The following PAQR5 variants were observed in gnomAD, a reference collection of about 807,000 sequenced individuals.
PAQR5 encodes membrane progestin receptor gamma.
PAQR5 carries 20 observed loss-of-function variants against 34.5 expected under a neutral mutation model. The ratio of observed to expected loss-of-function variants is 0.58; its 90% CI spans 0.41 to 0.84. The LOEUF (loss-of-function observed/expected upper bound fraction) is 0.84, where lower values mean the gene tolerates loss of function less well. Ranked by LOEUF, PAQR5 falls within the 40% of genes least tolerant of loss-of-function variation. The pLI is 0.00. For synonymous variants in PAQR5, 131 were observed against 155.6 expected (o/e 0.84, Z 1.18); for missense variants, 378 against 412.7 (o/e 0.92, Z 0.73).
chr15:69,382,698 A>ATG (rs2055928660), intron 4 of PAQR5, among the ~76,000 whole-genome samples: 20 of 83,944 alleles, frequency 2.4e-4, no homozygotes, highest in East Asian at 2.3e-3. Flanking sequence ...ATATATATAT[A>ATG]TATATATGTA....
rs139390673 is a variant in PAQR5, at chr15:69,306,713, T to C, written c.-277+7657T>C. ...CCACCGCCCCCCGCCCATTTAACCA[T>C]TTTTTAAGTCTGCAACTCATTGTCA... On this transcript the variant is annotated intron_variant, in intron 1 of 8. Coordinates refer to ENST00000395407, the MANE Select transcript of PAQR5 (RefSeq NM_017705.4). Among the ~76,000 whole-genome samples the C allele has an allele frequency of 4.2e-3, 640 of 152,204 alleles. 4 individuals carry two copies. The highest frequency in any genetic ancestry group is 0.015 in the African/African-American group (612 of 41,522).
intron 2 of PAQR5, among the ~76,000 whole-genome samples, chr15:69,356,354 C>T (rs892548638): frequency 2.6e-5 from 4 of 152,126 alleles, no homozygotes; most frequent in African/African-American, 9.7e-5. Flanking sequence ...TCATTTACAT[C>T]AGTACTGTAT....
intron 1 of PAQR5, among the ~76,000 whole-genome samples, chr15:69,335,547 T>TTG (rs2054494625): frequency 7.9e-6 from 1 of 127,044 alleles, no homozygotes; most frequent in South Asian, 2.8e-4. Flanking sequence ...ATCCAGTTTT[T>TTG]TTTTTTTTTT....
At chr15:69,319,756 G>A (rs2054050897) in intron 1 of PAQR5, among the ~76,000 whole-genome samples, 1 of 152,138 alleles carries the variant, frequency 6.6e-6, no homozygotes, top group Non-Finnish European at 1.5e-5. Context: ...AGCAGCATGC[G>A]GGTGCTTGCC....
At chr15:69,325,810 C>T (rs756613978) in intron 1 of PAQR5, among the ~76,000 whole-genome samples, 8 of 152,144 alleles carry the variant, frequency 5.3e-5, no homozygotes, top group African/African-American at 1.7e-4. Flanking sequence ...CTCCACCCAC[C>T]GCAGTTTCTA....
chr15:69,353,137 A>G lies in PAQR5; in HGVS notation c.-115-6829A>G, dbSNP rs1378295019. 2.0e-5 allele frequency among the ~76,000 whole-genome samples: 3 copies of G among 152,212 alleles called. No individual in the cohort carries two copies. In the East Asian group the frequency reaches 5.8e-4, roughly 29 times the overall value. The stretch of plus-strand genomic sequence containing the variant: ...TCCACTCACTGAGGCCAACCTGGCT[A>G]CAACCACTGCTGAGTGCCCATTCTG... On this transcript the variant is annotated intron_variant, in intron 2 of 8. Transcript: ENST00000395407.
chr15:69,311,831 A>C (rs537349587), intron 1 of PAQR5, among the ~76,000 whole-genome samples: 1 of 152,286 alleles, frequency 6.6e-6, no homozygotes, highest in Admixed American at 6.5e-5. Context: ...TTCTTCTTTC[A>C]GCAACATTGC....
chr15:69,314,043 T>C (rs985393480), intron 1 of PAQR5, among the ~76,000 whole-genome samples: 2 of 152,146 alleles, frequency 1.3e-5, no homozygotes, highest in African/African-American at 2.4e-5. Context: ...TAATGCCTCC[T>C]GCCTGGAATC....
At chr15:69,377,104 CTAAT>C in intron 3 of PAQR5, among the ~76,000 whole-genome samples, 1 of 152,310 alleles carries the variant, frequency 6.6e-6, no homozygotes, top group Non-Finnish European at 1.5e-5. Context: ...ATCTGCTAGT[CTAAT>C]TCATATGAAT....
intron 1 of PAQR5, among the ~76,000 whole-genome samples, chr15:69,310,907 C>A (rs1399177154): frequency 1.3e-5 from 2 of 151,354 alleles, no homozygotes; most frequent in African/African-American, 4.9e-5. Context: ...GGTGTGGTGG[C>A]GGGCGCCTGT....
intron 5 of PAQR5, among the ~76,000 whole-genome samples, chr15:69,386,132 TCA>T (rs1404921931): frequency 6.7e-6 from 1 of 148,980 alleles, no homozygotes; most frequent in African/African-American, 2.5e-5. Flanking sequence ...CACAATACAC[TCA>T]CATACACACT....
intron 1 of PAQR5, among the ~76,000 whole-genome samples, chr15:69,308,817 C>A (rs1428226002): frequency 6.6e-6 from 1 of 151,864 alleles, no homozygotes; most frequent in Non-Finnish European, 1.5e-5. Context: ...CAGTGAGGAA[C>A]CTGGTGTAGC....
chr15:69,359,664 C>T (rs1180139092), intron 2 of PAQR5, among the ~76,000 whole-genome samples: 3 of 151,992 alleles, frequency 2.0e-5, no homozygotes, highest in Non-Finnish European at 4.4e-5. Context: ...GGTGTGGTGC[C>T]GGCTGTCTGC....
intron 2 of PAQR5, among the ~76,000 whole-genome samples, chr15:69,341,027 T>G (rs2054626578): frequency 6.6e-6 from 1 of 152,184 alleles, no homozygotes; most frequent in Admixed American, 6.5e-5. Context: ...AACATAAAAT[T>G]TATCATGCTA....
At chr15:69,318,497 C>A (rs1595845028) in intron 1 of PAQR5, among the ~76,000 whole-genome samples, 1 of 152,104 alleles carries the variant, frequency 6.6e-6, no homozygotes, top group East Asian at 1.9e-4. Flanking sequence ...GGGCAGCCAA[C>A]ATTTCTGACA....
intron 1 of PAQR5, among the ~76,000 whole-genome samples, chr15:69,321,596 CA>C (rs2054098010): frequency 6.6e-6 from 1 of 152,188 alleles, no homozygotes; most frequent in South Asian, 2.1e-4. Flanking sequence ...TTTTGTTTTA[CA>C]ATTAGTTTGT....
At chr15:69,397,700 G>T (rs1595945947) in intron 7 of PAQR5, 136 bp downstream of exon 7, 1 of 684,060 alleles carries the variant, frequency 1.5e-6, no homozygotes, top group Non-Finnish European at 2.7e-6. Context: ...GGTGAAGGGG[G>T]CCAGCCCCTC....
chr15:69,371,179 G>A (rs1244191276), intron 3 of PAQR5, among the ~76,000 whole-genome samples: 3 of 152,102 alleles, frequency 2.0e-5, no homozygotes, highest in African/African-American at 7.2e-5. Context: ...TCATTTAGGA[G>A]AAACTTCTGC....
intron 1 of PAQR5, among the ~76,000 whole-genome samples, chr15:69,317,923 A>G (rs1439272493): frequency 6.6e-6 from 1 of 152,010 alleles, no homozygotes; most frequent in Admixed American, 6.6e-5. Context: ...TTCTCTGCCA[A>G]AGCAAGTCCT....
Sources: gnomAD v4.1 joint callset for allele counts (sites outside exome capture counted in the v4.1 genomes callset) on GRCh38, gnomAD v4.1.1 for gene constraint, MANE v1.5 for transcripts, NCBI Gene and HGNC (gene_info 2026-07-23, HGNC 2026-07-21) for gene names.